MAP2K6: variants seen among roughly 807,000 people sequenced by gnomAD.
The protein encoded by MAP2K6 is dual specificity mitogen-activated protein kinase kinase 6.
MAP2K6 carries 16 observed loss-of-function variants against 53.7 expected under a neutral mutation model. That is an observed-to-expected ratio of 0.30 (90% CI 0.20 to 0.45). MAP2K6 has a LOEUF of 0.45. Among genes scored for constraint, MAP2K6 ranks in the 20% least tolerant of loss-of-function variants. MAP2K6 has a pLI of 1.00. For missense variants in MAP2K6, 204 were observed against 411.9 expected, an observed-to-expected ratio of 0.50 and a Z score of 4.37; for synonymous variants, 132 against 143.1, an observed-to-expected ratio of 0.92 and a Z score of 0.55.
intron 1 of MAP2K6, among the ~76,000 whole-genome samples, chr17:69,500,093 T>TA (rs879281100): frequency 2.0e-5 from 3 of 152,114 alleles, no homozygotes; most frequent in Non-Finnish European, 2.9e-5. Flanking sequence ...GGTAAGGTCT[T>TA]AGGAGATTCA....
intron 1 of MAP2K6, among the ~76,000 whole-genome samples, chr17:69,481,177 T>G (rs1273852261): frequency 1.3e-5 from 2 of 152,138 alleles, no homozygotes; most frequent in Non-Finnish European, 2.9e-5. Flanking sequence ...CTAGTAGCCA[T>G]CACTTTACTT....
At chr17:69,482,011 G>A (rs766758857) in intron 1 of MAP2K6, among the ~76,000 whole-genome samples, 7 of 151,974 alleles carry the variant, frequency 4.6e-5, no homozygotes, top group African/African-American at 1.2e-4. Context: ...TTAAATGCCC[G>A]TAAAATTTCT....
intron 1 of MAP2K6, among the ~76,000 whole-genome samples, chr17:69,482,618 AC>A (rs1474801373): frequency 6.6e-6 from 1 of 152,004 alleles, no homozygotes; most frequent in African/African-American, 2.4e-5. Context: ...CATAAAAAAA[AC>A]TTCTACATTC....
At chr17:69,539,610 CT>C (rs958747561) in intron 11 of MAP2K6, among the ~76,000 whole-genome samples, 1 of 151,226 alleles carries the variant, frequency 6.6e-6, no homozygotes, top group Non-Finnish European at 1.5e-5. Flanking sequence ...TAGCGATTTT[CT>C]TTTTTTTTGA....
intron 10 of MAP2K6, among the ~76,000 whole-genome samples, chr17:69,527,147 T>C (rs1163373600): frequency 1.3e-5 from 2 of 152,214 alleles, no homozygotes; most frequent in African/African-American, 4.8e-5. Context: ...TATGTGAGCT[T>C]TAAGCAATTT....
chr17:69,436,022 A>T (rs967827041), intron 1 of MAP2K6, among the ~76,000 whole-genome samples: 6 of 24,184 alleles, frequency 2.5e-4, no homozygotes, highest in East Asian at 9.0e-4. Context: ...TTTAAAATAA[A>T]AAAAAAAAAA....
chr17:69,526,849 C>A, intron 10 of MAP2K6, 140 bp downstream of exon 10: 3 of 1,032,048 alleles, frequency 2.9e-6, no homozygotes, highest in African/African-American at 1.6e-5. Context: ...GCTGGAGAAG[C>A]AAAGATGACC....
Position 69,538,007 on chromosome 17 carries a change from G to C in MAP2K6, c.927+1847G>C, listed in dbSNP as rs114633034. Reference sequence around the variant, plus strand: ...ATTCTTGTAGGATACTATGGAGCCTGTAATCCTATTTTATTTATTTATTTA... The same window carrying C: ...ATTCTTGTAGGATACTATGGAGCCTCTAATCCTATTTTATTTATTTATTTA... On this transcript the variant is annotated intron_variant, in intron 11 of 11. Transcript: ENST00000590474. Among the ~76,000 whole-genome samples, 387 of 152,132 alleles carry C rather than the reference G, an allele frequency of 2.5e-3. 3 individuals carry two copies. Among genetic ancestry groups the C allele is most frequent in the African/African-American group, 9.0e-3 (374 of 41,536 alleles).
At chr17:69,427,337 A>G (rs1220817493) in intron 1 of MAP2K6, among the ~76,000 whole-genome samples, 2 of 152,212 alleles carry the variant, frequency 1.3e-5, no homozygotes, top group African/African-American at 4.8e-5. Flanking sequence ...ATGATACTGG[A>G]TATTAGCAAG....
chr17:69,424,614 G>A (rs919555245), intron 1 of MAP2K6, among the ~76,000 whole-genome samples: 7 of 152,082 alleles, frequency 4.6e-5, no homozygotes, highest in East Asian at 1.9e-4. Context: ...CACTTGAGAC[G>A]TCACTCCAAA....
chr17:69,511,885 A>G (rs1909840656), intron 2 of MAP2K6, among the ~76,000 whole-genome samples: 1 of 152,236 alleles, frequency 6.6e-6, no homozygotes, highest in Admixed American at 6.5e-5. Flanking sequence ...AGGCTGAGAC[A>G]GGAGAAGCGC....
chr17:69,433,112 A>G (rs1906519773), intron 1 of MAP2K6: 1 of 152,400 alleles, frequency 6.6e-6, no homozygotes, highest in South Asian at 2.1e-4. Context: ...TATGTGGTAC[A>G]AAGAGTCAGG....
chr17:69,424,408 A>T (rs1184894883), intron 1 of MAP2K6, among the ~76,000 whole-genome samples: 3 of 152,196 alleles, frequency 2.0e-5, no homozygotes, highest in African/African-American at 7.2e-5. Flanking sequence ...TGTGCTCCAG[A>T]TACTGTGCTT....
At position 69,545,738 on chromosome 17, in the gene MAP2K6, T is replaced by C. The variant is rs1911851023; in HGVS notation, c.*3985T>C. 6.6e-6 allele frequency: 1 copy of C among 152,216 alleles called. No homozygotes were observed. The highest frequency in any genetic ancestry group is 1.5e-5 in the Non-Finnish European group (1 of 68,084). The allele number at this position is 152,216 out of a possible 1,614,324, so 9.4% of individuals were successfully genotyped here. On this transcript the variant is annotated 3_prime_UTR_variant, in exon 12 of 12. Coordinates refer to ENST00000590474, the MANE Select transcript of MAP2K6 (RefSeq NM_002758.4). ...TATTTCCCTTAAAAATTTCCAGCAT[T>C]GGCTGAGCATGGTGACTCACGCCTG...
intron 7 of MAP2K6, 154 bp downstream of exon 7, chr17:69,521,254 A>C: frequency 1.8e-6 from 1 of 569,404 alleles, no homozygotes; most frequent in Non-Finnish European, 3.1e-6. Context: ...ATAGCAAACC[A>C]TATAAGTAGT....
At chr17:69,478,863 A>G (rs1468154599) in intron 1 of MAP2K6, among the ~76,000 whole-genome samples, 1 of 152,154 alleles carries the variant, frequency 6.6e-6, no homozygotes, top group Non-Finnish European at 1.5e-5. Flanking sequence ...TCTTGGTGGC[A>G]CTGTTAGCTT....
At chr17:69,536,239 A>G in intron 11 of MAP2K6, 79 bp downstream of exon 11, 1 of 986,700 alleles carries the variant, frequency 1.0e-6, no homozygotes, top group South Asian at 1.4e-5. Context: ...AATTATCATC[A>G]CATCACCATA....
chr17:69,452,948 A>G (rs577812549), intron 1 of MAP2K6, among the ~76,000 whole-genome samples: 1 of 152,292 alleles, frequency 6.6e-6, no homozygotes, highest in Admixed American at 6.5e-5. Flanking sequence ...GCTGTCTTTC[A>G]TTTGGCCGAA....
chr17:69,494,631 C>G lies in MAP2K6; in HGVS notation c.17-11149C>G, dbSNP rs963205241. Among the ~76,000 whole-genome samples the G allele has an allele frequency of 6.6e-6, 1 of 152,092 alleles. No individual in the cohort carries two copies. Among genetic ancestry groups the G allele is most frequent in the Non-Finnish European group, 1.5e-5 (1 of 68,000 alleles). Reference sequence around the variant, plus strand: ...ACGTTCCTTTGTTTCTTTATTACCCCCTTAGTCTTCAAGCAGCTGGTTGAA... The same window carrying G: ...ACGTTCCTTTGTTTCTTTATTACCCGCTTAGTCTTCAAGCAGCTGGTTGAA... On this transcript the variant is annotated intron_variant, in intron 1 of 11. Coordinates refer to ENST00000590474, the MANE Select transcript of MAP2K6 (RefSeq NM_002758.4). This position sits in a 1 kb window ranked among gnomAD's most constrained non-coding sequence, Gnocchi z 4.2.
Sources: allele counts gnomAD v4.1 joint callset (sites outside exome capture counted in the v4.1 genomes callset), GRCh38; gene constraint gnomAD v4.1.1; non-coding constraint Gnocchi (gnomAD v3.1); transcripts MANE v1.5; gene names NCBI Gene and HGNC (gene_info 2026-07-23, HGNC 2026-07-21).